The following HPS5 variants were observed in gnomAD, a reference collection of about 807,000 sequenced individuals.
HPS5 encodes BLOC-2 complex member HPS5.
HPS5 carries 83 observed loss-of-function variants against 128.0 expected under a neutral mutation model. That is an observed-to-expected ratio of 0.65 (90% CI 0.54 to 0.78). The LOEUF (loss-of-function observed/expected upper bound fraction) is 0.78, where lower values mean the gene tolerates loss of function less well. HPS5 is among the 30% of genes least tolerant of loss of function. HPS5 has a pLI of 0.00. For missense variants in HPS5, 1,281 were observed against 1,326.2 expected (o/e 0.97, Z 0.53); for synonymous variants, 475 against 470.2 (o/e 1.01, Z -0.13).
At chr11:18,286,986 C>T (rs1359206740) in intron 18 of HPS5, 8 of 601,258 alleles carry the variant, frequency 1.3e-5, no homozygotes, top group African/African-American at 1.1e-4. Context: ...GTAGGAAGAT[C>T]ACTGAGGCCA....
At chr11:18,282,332 A>G in intron 21 of HPS5, 112 bp from the exon 22 acceptor site, 6 of 1,205,998 alleles carry the variant, frequency 5.0e-6, no homozygotes, top group Non-Finnish European at 7.2e-6. Flanking sequence ...AATATTCAAG[A>G]ACACAATCTC....
At chr11:18,311,237 G>A (rs1862946965) in intron 4 of HPS5, 150 bp downstream of exon 4, 5 of 670,620 alleles carry the variant, frequency 7.5e-6, no homozygotes, top group African/African-American at 3.6e-5. Flanking sequence ...GGTTTGCTGG[G>A]TACTGAGAGA....
In HPS5 at chr11:18,279,652, A is replaced by G; in HGVS notation, c.*230T>C. Reference sequence around the variant, plus strand: ...AAGGACTGACTCTTTTCAAAATTCAACTTTGGTTAAGAAATGCTGAGTACA... The same window carrying G: ...AAGGACTGACTCTTTTCAAAATTCAGCTTTGGTTAAGAAATGCTGAGTACA... On this transcript the variant is annotated 3_prime_UTR_variant, in exon 23 of 23. Coordinates refer to ENST00000349215, the MANE Select transcript of HPS5 (RefSeq NM_181507.2). 1.8e-6 allele frequency: 1 copy of G among 570,652 alleles called. No individual in the cohort carries two copies. Among genetic ancestry groups the G allele is most frequent in the South Asian group, 2.1e-5 (1 of 48,690 alleles). 35.3% of individuals were successfully genotyped at this position (570,652 alleles called of 1,614,324 possible).
intron 10 of HPS5, among the ~76,000 whole-genome samples, 173 bp from the exon 11 acceptor site, chr11:18,297,890 G>A (rs1861263955): frequency 6.6e-6 from 1 of 152,128 alleles, no homozygotes; most frequent in Non-Finnish European, 1.5e-5. Flanking sequence ...GACAAGCCTG[G>A]CCAACATGGT....
chr11:18,304,278 A>G (rs938678905), intron 8 of HPS5, among the ~76,000 whole-genome samples: 1 of 148,428 alleles, frequency 6.7e-6, no homozygotes, highest in East Asian at 2.0e-4. Flanking sequence ...GTGCAATGGC[A>G]CGATCTCGGC....
chr11:18,318,333 C>T (rs1297932731), intron 1 of HPS5, among the ~76,000 whole-genome samples: 1 of 152,206 alleles, frequency 6.6e-6, no homozygotes, highest in Non-Finnish European at 1.5e-5. Flanking sequence ...CTGTTATCAG[C>T]AAACCCTACA....
At chr11:18,296,623 T>A (rs1861099680) in intron 12 of HPS5, 175 bp downstream of exon 12, 1 of 748,526 alleles carries the variant, frequency 1.3e-6, no homozygotes, top group Non-Finnish European at 2.4e-6. Context: ...ATACTAAACA[T>A]AAACCAACTC....
At chr11:18,306,454 T>A (rs1862381653) in intron 6 of HPS5, 107 bp from the exon 7 acceptor site, 1 of 708,738 alleles carries the variant, frequency 1.4e-6, no homozygotes. Flanking sequence ...CAATGCCTTC[T>A]CCTTCATTCA....
chr11:18,311,511 A>ATTTTTT lies in HPS5; in HGVS notation c.220-66_220-61dup, dbSNP rs11376847. On this transcript the variant is annotated intron_variant, in intron 3 of 22. Transcript: ENST00000349215. ...CAAGTTTTACATTATTATTATTATTATTTTTTTTTTTTTTTTTGAGACTGA... is the reference window on the plus strand; with the variant it reads ...CAAGTTTTACATTATTATTATTATTATTTTTTTTTTTTTTTTTTTTTTTGAGACTGA... 412 of 531,636 alleles carry ATTTTTT rather than the reference A, an allele frequency of 7.7e-4. 4 individuals carry two copies. Among genetic ancestry groups the ATTTTTT allele is most frequent in the South Asian group, 1.4e-3 (41 of 29,706 alleles). 32.9% of individuals were successfully genotyped at this position (531,636 alleles called of 1,614,324 possible).
At chr11:18,299,018 C>T in intron 9 of HPS5, 48 bp from the exon 10 acceptor site, 1 of 1,555,262 alleles carries the variant, frequency 6.4e-7, no homozygotes, top group Non-Finnish European at 8.9e-7. Flanking sequence ...CCAAATACCC[C>T]TTACAATTTT....
Position 18,292,914 on chromosome 11 carries a change from G to C in HPS5, c.1847C>G (p.Ala616Gly). Residue 616 changes from alanine (A) to glycine (G), a missense_variant, in exon 15 of 23, where the codon GCA (alanine) becomes GGA (glycine). Physicochemically the swap from Ala to Gly is moderately conservative, Grantham distance 60. Transcript: ENST00000349215. Reference sequence around the variant, plus strand: ...TTATACTCACATTGCTTCTGCTGTTGCTACTTTAAGCTCCTGGAACCTGTC... The same window carrying C: ...TTATACTCACATTGCTTCTGCTGTTCCTACTTTAAGCTCCTGGAACCTGTC... ...EEDRFQELKVATAEAMTKLQD... is the reference protein window; with the variant it reads ...EEDRFQELKVGTAEAMTKLQD... The C allele has an allele frequency of 1.2e-6, 2 of 1,613,404 alleles. No individual in the cohort carries two copies. Among genetic ancestry groups the C allele is most frequent in the Non-Finnish European group, 1.7e-6 (2 of 1,179,310 alleles).
chr11:18,304,058 A>G (rs1862059995), intron 8 of HPS5, among the ~76,000 whole-genome samples: 1 of 152,176 alleles, frequency 6.6e-6, no homozygotes, highest in Non-Finnish European at 1.5e-5. Context: ...TTAATATGTA[A>G]TTATAAACTG....
intron 2 of HPS5, 46 bp downstream of exon 2, chr11:18,317,705 A>T: frequency 6.3e-7 from 1 of 1,588,804 alleles, no homozygotes; most frequent in Non-Finnish European, 8.6e-7. Context: ...GCACAGTAAC[A>T]GAGAGCACGT....
At chr11:18,297,808 G>A (rs1861252523) in intron 10 of HPS5, 91 bp from the exon 11 acceptor site, 18 of 1,253,242 alleles carry the variant, frequency 1.4e-5, no homozygotes, top group South Asian at 2.4e-5. Flanking sequence ...GGCCGGGCAC[G>A]GTGGCTCACG....
chr11:18,311,001 G>GT (rs1252147289), intron 4 of HPS5, 68 bp from the exon 5 acceptor site: 8 of 1,103,206 alleles, frequency 7.3e-6, no homozygotes, highest in Non-Finnish European at 1.1e-5. Flanking sequence ...TTGCATCACA[G>GT]TATCAACTAT....
At chr11:18,292,839 T>G in intron 15 of HPS5, 60 bp downstream of exon 15, 1 of 1,211,362 alleles carries the variant, frequency 8.3e-7, no homozygotes, top group Non-Finnish European at 1.2e-6. Context: ...AATATAATGA[T>G]TCACTTCGTT....
intron 14 of HPS5, among the ~76,000 whole-genome samples, chr11:18,294,683 C>T (rs540704690): frequency 6.6e-6 from 1 of 152,266 alleles, no homozygotes; most frequent in Admixed American, 6.5e-5. Flanking sequence ...AAACAATCTT[C>T]AATGAATGCA....
intron 22 of HPS5, 27 bp from the exon 23 acceptor site, chr11:18,279,969 C>A (rs774317430): frequency 1.9e-6 from 3 of 1,608,826 alleles, no homozygotes; most frequent in Non-Finnish European, 2.6e-6. Flanking sequence ...AAGAAACAAG[C>A]AAATTTAGTT....
At chr11:18,288,149 C>T in intron 16 of HPS5, 136 bp from the exon 17 acceptor site, 2 of 858,750 alleles carry the variant, frequency 2.3e-6, no homozygotes, top group East Asian at 2.5e-5. Flanking sequence ...CAATATTAAG[C>T]ATTACAAGAG....
Sources: gnomAD v4.1 joint callset for allele counts (sites outside exome capture counted in the v4.1 genomes callset) on GRCh38, gnomAD v4.1.1 for gene constraint, MANE v1.5 for transcripts, NCBI Gene and HGNC (gene_info 2026-07-23, HGNC 2026-07-21) for gene names.